HMG20A: variants seen among roughly 807,000 people sequenced by gnomAD.
HMG20A encodes the protein high mobility group protein 20A.
Under a neutral mutation model 43.9 loss-of-function variants are expected in HMG20A, and 17 were observed. The observed-to-expected ratio is 0.39, with a 90% CI of 0.27 to 0.58. HMG20A has a LOEUF of 0.58. Ranked by LOEUF, HMG20A falls within the 20% of genes least tolerant of loss-of-function variation. HMG20A has a pLI of 0.59. For synonymous variants in HMG20A, 132 were observed against 147.5 expected, an observed-to-expected ratio of 0.89 and a Z score of 0.76; for missense variants, 341 against 438.2, an observed-to-expected ratio of 0.78 and a Z score of 1.98.
chr15:77,461,065 A>G (rs1276080962), intron 2 of HMG20A, among the ~76,000 whole-genome samples: 1 of 152,168 alleles, frequency 6.6e-6, no homozygotes, highest in Admixed American at 6.6e-5. Flanking sequence ...AAGGTCGCAG[A>G]AAAGCCAGAA....
chr15:77,502,840 T>A, the HMG20A span, among the ~76,000 whole-genome samples: 31 of 152,080 alleles, frequency 2.0e-4, no homozygotes, highest in African/African-American at 7.5e-4. Context: ...CGTGATGGCA[T>A]GCCCCTGGAG....
chr15:77,486,198 T>G (rs960021186), downstream of HMG20A, among the ~76,000 whole-genome samples: 29 of 152,148 alleles, frequency 1.9e-4, no homozygotes, highest in African/African-American at 7.0e-4. Flanking sequence ...AGTCAGTGAC[T>G]CTGATGTCCC....
chr15:77,516,513 C>T, the HMG20A span, among the ~76,000 whole-genome samples: 34 of 152,188 alleles, frequency 2.2e-4, no homozygotes, highest in Admixed American at 1.2e-3. Context: ...CTCTAGGATG[C>T]GATGAGGTCA....
At chr15:77,494,595 C>G in the HMG20A span, among the ~76,000 whole-genome samples, 2 of 152,136 alleles carry the variant, frequency 1.3e-5, no homozygotes, top group African/African-American at 2.4e-5. Flanking sequence ...GCAGGGGGAG[C>G]TTTGCAGCCG....
intron 2 of HMG20A, 135 bp downstream of exon 2, chr15:77,458,631 T>C: frequency 1.8e-6 from 1 of 564,528 alleles, no homozygotes; most frequent in Non-Finnish European, 3.1e-6. Flanking sequence ...GCAAAGAGAG[T>C]GACAGCCATC....
At chr15:77,516,459 G>A in the HMG20A span, among the ~76,000 whole-genome samples, 1 of 152,106 alleles carries the variant, frequency 6.6e-6, no homozygotes, top group African/African-American at 2.4e-5. Flanking sequence ...TTGGGCAACA[G>A]AGCAAGACCC....
intron 1 of HMG20A, among the ~76,000 whole-genome samples, chr15:77,430,055 C>T (rs2073468280): frequency 6.6e-6 from 1 of 152,118 alleles, no homozygotes. Flanking sequence ...AATATGTGGT[C>T]TTGAAAAGGA....
intron 8 of HMG20A, among the ~76,000 whole-genome samples, chr15:77,478,824 G>A (rs952221724): frequency 6.6e-6 from 1 of 152,154 alleles, no homozygotes; most frequent in Non-Finnish European, 1.5e-5. Context: ...TTCTTCTTAT[G>A]TATGTTTGTT....
chr15:77,474,257 T>A (rs987104112), intron 6 of HMG20A, among the ~76,000 whole-genome samples: 1 of 152,144 alleles, frequency 6.6e-6, no homozygotes, highest in Non-Finnish European at 1.5e-5. Context: ...AGCAAATATC[T>A]TGCAGTGTCT....
chr15:77,476,548 T>C (rs1049614451), intron 6 of HMG20A, among the ~76,000 whole-genome samples: 2 of 150,558 alleles, frequency 1.3e-5, no homozygotes, highest in African/African-American at 4.9e-5. Flanking sequence ...ATACATTCTG[T>C]CTAGCTTTAA....
At chr15:77,442,594 T>C (rs1345618890) in intron 1 of HMG20A, among the ~76,000 whole-genome samples, 1 of 152,216 alleles carries the variant, frequency 6.6e-6, no homozygotes, top group East Asian at 1.9e-4. Flanking sequence ...CTGCTAGACA[T>C]GCGTACTCTT....
At chr15:77,512,417 C>T in the HMG20A span, among the ~76,000 whole-genome samples, 1 of 151,042 alleles carries the variant, frequency 6.6e-6, no homozygotes, top group African/African-American at 2.4e-5. Context: ...TGTATTTTAC[C>T]ACAATTTAAA....
the HMG20A span, among the ~76,000 whole-genome samples, chr15:77,504,694 G>A: frequency 3.3e-5 from 5 of 152,204 alleles, no homozygotes; most frequent in African/African-American, 1.2e-4. Context: ...GAGGGGCAGC[G>A]CTGAAAGATG....
intron 1 of HMG20A, among the ~76,000 whole-genome samples, chr15:77,424,681 T>C (rs2073406809): frequency 6.6e-6 from 1 of 152,198 alleles, no homozygotes; most frequent in African/African-American, 2.4e-5. Flanking sequence ...CTTGTCCCCC[T>C]ATCAGCATGC....
the HMG20A span, among the ~76,000 whole-genome samples, chr15:77,519,679 A>G: frequency 6.6e-6 from 1 of 152,198 alleles, no homozygotes; most frequent in African/African-American, 2.4e-5. Context: ...TGGACTTCCC[A>G]GCTTTCAGAA....
chr15:77,454,044 C>T (rs2072631862), intron 1 of HMG20A, among the ~76,000 whole-genome samples: 2 of 151,120 alleles, frequency 1.3e-5, no homozygotes, highest in Admixed American at 6.6e-5. Context: ...CAGGCGTGGT[C>T]CTAGCTACTC....
downstream of HMG20A, among the ~76,000 whole-genome samples, chr15:77,486,452 G>C (rs1437993185): frequency 6.6e-6 from 1 of 152,082 alleles, no homozygotes; most frequent in Non-Finnish European, 1.5e-5. Flanking sequence ...GTAGAGACAG[G>C]GTTTCACCAT....
chr15:77,459,863 C>T (rs1344072433), intron 2 of HMG20A, among the ~76,000 whole-genome samples: 1 of 152,078 alleles, frequency 6.6e-6, no homozygotes, highest in South Asian at 2.1e-4. Flanking sequence ...TAACAAGCTC[C>T]CAGAGAATGC....
chr15:77,448,670 T>C (rs971435474), intron 1 of HMG20A, among the ~76,000 whole-genome samples: 2 of 152,248 alleles, frequency 1.3e-5, no homozygotes, highest in African/African-American at 2.4e-5. Context: ...TTTGCCTGTT[T>C]TGGTCATTGC....
Sources: gnomAD v4.1 joint callset for allele counts (sites outside exome capture counted in the v4.1 genomes callset) on GRCh38, gnomAD v4.1.1 for gene constraint, MANE v1.5 for transcripts, NCBI Gene and HGNC (gene_info 2026-07-23, HGNC 2026-07-21) for gene names.